Variants in HELLS observed in about 807,000 individuals in gnomAD.
HELLS encodes helicase, lymphoid specific, also known as lymphoid-specific helicase.
Under a neutral mutation model 120.0 loss-of-function variants are expected in HELLS, and 32 were observed. The ratio of observed to expected loss-of-function variants is 0.27; its 90% CI spans 0.20 to 0.36. The LOEUF (loss-of-function observed/expected upper bound fraction) is 0.36, where lower values mean the gene tolerates loss of function less well. Ranked by LOEUF, HELLS falls within the 10% of genes least tolerant of loss-of-function variation. The pLI is 1.00. For synonymous variants in HELLS, 341 were observed against 323.4 expected (o/e 1.05, Z -0.58); for missense variants, 650 against 993.4 (o/e 0.65, Z 4.65).
chr10:94,576,232 C>A (rs931346342), intron 9 of HELLS, among the ~76,000 whole-genome samples: 11 of 152,198 alleles, frequency 7.2e-5, no homozygotes, highest in African/African-American at 2.4e-4. Context: ...TGCTATCTCA[C>A]ACGCCTGAGT....
At chr10:94,553,934 G>A (rs771732516) in intron 2 of HELLS, among the ~76,000 whole-genome samples, 192 bp from the exon 3 acceptor site, 17 of 151,936 alleles carry the variant, frequency 1.1e-4, no homozygotes, top group Non-Finnish European at 1.9e-4. Context: ...TTTGATATAC[G>A]AATTGCATCT....
chr10:94,588,198 T>C, intron 12 of HELLS, 31 bp from the exon 13 acceptor site: 1 of 1,351,264 alleles, frequency 7.4e-7, no homozygotes, highest in Non-Finnish European at 1.0e-6. Context: ...TGTTTAATAC[T>C]CATATTTTTC....
chr10:94,595,227 CA>C (rs35805834), intron 19 of HELLS, among the ~76,000 whole-genome samples: 112 of 145,652 alleles, frequency 7.7e-4, no homozygotes, highest in African/African-American at 2.4e-3. Context: ...GACTCTGTCT[CA>C]AAAAAAAAAA....
chr10:94,570,609 T>C (rs973138843), intron 6 of HELLS: 17 of 152,016 alleles, frequency 1.1e-4, no homozygotes, highest in African/African-American at 3.9e-4. Flanking sequence ...CTATCTTGAA[T>C]GATGAAGCCT....
intron 2 of HELLS, among the ~76,000 whole-genome samples, chr10:94,548,157 C>T (rs1364825813): frequency 6.6e-6 from 1 of 152,132 alleles, no homozygotes; most frequent in Non-Finnish European, 1.5e-5. Context: ...TTTTTGTAGG[C>T]TTTGCACCTG....
chr10:94,593,943 G>A (rs1395116703), intron 18 of HELLS, among the ~76,000 whole-genome samples: 1 of 149,044 alleles, frequency 6.7e-6, no homozygotes, highest in East Asian at 2.0e-4. Context: ...TTACAGGCTT[G>A]AGCCACCACA....
chr10:94,606,673 A>C (rs1456232566), downstream of HELLS, among the ~76,000 whole-genome samples: 1 of 152,108 alleles, frequency 6.6e-6, no homozygotes, highest in Non-Finnish European at 1.5e-5. Context: ...CTCGTAACAA[A>C]ATTTCTTTCC....
intron 12 of HELLS, among the ~76,000 whole-genome samples, chr10:94,587,248 T>A (rs1845212092): frequency 6.6e-6 from 1 of 152,126 alleles, no homozygotes; most frequent in Admixed American, 6.5e-5. Context: ...AAAAAATTTT[T>A]AATTTTTAAA....
intron 4 of HELLS, among the ~76,000 whole-genome samples, chr10:94,560,862 C>G (rs1843522356): frequency 6.6e-6 from 1 of 152,042 alleles, no homozygotes; most frequent in Non-Finnish European, 1.5e-5. Flanking sequence ...TGGAGACCAA[C>G]CTGGCCAACA....
chr10:94,596,751 ACT>A lies in HELLS; in HGVS notation c.2249-108_2249-107del, dbSNP rs1845759134. ...TCATTTGCTTTTATTTTTTATCAAC[ACT>A]TTTTTTTGCCGTCCTTCTTAATGCA... On this transcript the variant is annotated intron_variant, in intron 19 of 21. Transcript: ENST00000348459. 8.4e-6 allele frequency: 5 copies of A among 595,104 alleles called. No individual in the cohort carries two copies. In the East Asian group the frequency reaches 1.4e-4, roughly 16 times the overall value. 36.9% of individuals were successfully genotyped at this position (595,104 alleles called of 1,614,324 possible).
In HELLS at chr10:94,592,474, G is replaced by T; in HGVS notation, c.1931G>T (p.Arg644Met). 6.3e-7 allele frequency: 1 copy of T among 1,575,838 alleles called. No homozygotes were observed. The change falls in exon 17 of 22, where the codon AGG (arginine) becomes ATG (methionine). Residue 644 changes from arginine (R) to methionine (M), a missense_variant. Arg to Met is a moderately conservative substitution (Grantham distance 91). Transcript: ENST00000348459. ...YCHLRDFNFS[R>M]LDGSMSYSER... The stretch of plus-strand genomic sequence containing the variant: ...CATCTCAGAGATTTCAACTTCAGCA[G>T]GCTTGATGGGTCCATGTCTTACTCA...
chr10:94,547,293 A>AT (rs1842790646), intron 2 of HELLS, among the ~76,000 whole-genome samples: 2 of 152,222 alleles, frequency 1.3e-5, no homozygotes, highest in Middle Eastern at 3.4e-3. Flanking sequence ...GATATAGGTT[A>AT]TTTTTTGTTA....
chr10:94,589,407 C>G (rs1164163790), intron 13 of HELLS, among the ~76,000 whole-genome samples: 3 of 152,052 alleles, frequency 2.0e-5, no homozygotes, highest in Admixed American at 2.0e-4. Context: ...TTGTATTTTC[C>G]CGTTAGGGAT....
chr10:94,581,560 A>G (rs1352459464), intron 11 of HELLS, 38 bp downstream of exon 11: 1 of 1,432,456 alleles, frequency 7.0e-7, no homozygotes, highest in South Asian at 1.3e-5. Context: ...AACCTCAAAA[A>G]TCTGTGCTGT....
chr10:94,592,325 AT>A lies in HELLS; in HGVS notation c.1851+15del. 1 of 1,598,874 alleles carries A rather than the reference AT, an allele frequency of 6.3e-7. No homozygotes were observed. The highest frequency in any genetic ancestry group is 8.5e-7 in the Non-Finnish European group (1 of 1,173,998). On this transcript the variant is annotated intron_variant, in intron 16 of 21. Coordinates refer to ENST00000348459, the MANE Select transcript of HELLS (RefSeq NM_018063.5). ...AAGAGGTCACAAGGTGGTACTTTTG[AT>A]TGGAATTTTGGATTGTTCAATTATT... is the stretch of plus-strand genomic sequence containing the variant.
chr10:94,571,535 GTTTC>G (rs1342988534), intron 7 of HELLS, 106 bp downstream of exon 7: 2 of 894,596 alleles, frequency 2.2e-6, no homozygotes, highest in Non-Finnish European at 3.2e-6. Flanking sequence ...CTATTATCCT[GTTTC>G]TTTGCTTTAA....
chr10:94,547,020 A>T (rs1158274341), intron 2 of HELLS, among the ~76,000 whole-genome samples: 1 of 152,156 alleles, frequency 6.6e-6, no homozygotes, highest in East Asian at 1.9e-4. Context: ...TTTTGGTTTC[A>T]TGGCCTGTGT....
Position 94,581,529 on chromosome 10 carries a change from A to G in HELLS, c.1229+7A>G, listed in dbSNP as rs1043830641. ...TATTTGATGACTTGAAAAGGTGGGT[A>G]AGCCAGTTATTTAATGATTTAACCT... On this transcript the variant is annotated splice_region_variant and intron_variant, in intron 11 of 21. Coordinates refer to ENST00000348459, the MANE Select transcript of HELLS (RefSeq NM_018063.5). The G allele has an allele frequency of 6.3e-7, 1 of 1,581,720 alleles. No homozygotes were observed. Among genetic ancestry groups the G allele is most frequent in the African/African-American group, 1.4e-5 (1 of 73,928 alleles).
intron 6 of HELLS, among the ~76,000 whole-genome samples, chr10:94,568,247 C>T (rs562438846): frequency 8.8e-4 from 131 of 149,658 alleles, no homozygotes; most frequent in Non-Finnish European, 1.8e-3. Context: ...GTGCATATTT[C>T]CTTACACATT....
Sources: gnomAD v4.1 joint callset for allele counts (sites outside exome capture counted in the v4.1 genomes callset) on GRCh38, gnomAD v4.1.1 for gene constraint, MANE v1.5 for transcripts, NCBI Gene and HGNC (gene_info 2026-07-23, HGNC 2026-07-21) for gene names.